The following NBEA variants were observed in gnomAD, a reference collection of about 807,000 sequenced individuals.
The protein encoded by NBEA is lysosomal-trafficking regulator 2.
In NBEA, 44 loss-of-function variants were observed where a neutral mutation model predicts 343.4. The observed-to-expected ratio is 0.13, with a 90% CI of 0.10 to 0.16. The LOEUF (loss-of-function observed/expected upper bound fraction) is 0.16. Ranked by LOEUF, NBEA falls within the 10% of genes least tolerant of loss-of-function variation. The pLI, the probability that NBEA is intolerant of heterozygous loss-of-function variation, is 1.00. For synonymous variants in NBEA, 1,175 were observed against 1,238.7 expected (o/e 0.95, Z 1.08); for missense variants, 2,555 against 3,631.3 (o/e 0.70, Z 7.62).
intron 34 of NBEA, among the ~76,000 whole-genome samples, chr13:35,281,699 C>G (rs4630413): frequency 6.6e-6 from 1 of 151,850 alleles, no homozygotes. Flanking sequence ...AACACCAGTG[C>G]TTTTTTGAAT....
At chr13:35,596,549 A>C (rs1298247134) in intron 47 of NBEA, among the ~76,000 whole-genome samples, 2 of 152,094 alleles carry the variant, frequency 1.3e-5, no homozygotes, top group Non-Finnish European at 2.9e-5. Flanking sequence ...GCAAGCTGGG[A>C]AGAAGGAGTG....
intron 34 of NBEA, among the ~76,000 whole-genome samples, chr13:35,269,901 CTAAACTTAGAAGGA>C (rs1489246020): frequency 6.6e-6 from 1 of 152,092 alleles, no homozygotes; most frequent in Non-Finnish European, 1.5e-5. Context: ...AGGACAACTT[CTAAACTTAGAAGGA>C]TAAATTATAG....
chr13:35,211,997 G>A (rs75155714), intron 33 of NBEA, among the ~76,000 whole-genome samples: 4 of 75,808 alleles, frequency 5.3e-5, no homozygotes, highest in African/African-American at 1.0e-4. Flanking sequence ...TTGTGTATAC[G>A]TGTACACACA....
chr13:35,351,377 A>G (rs2040191862), intron 37 of NBEA, among the ~76,000 whole-genome samples: 1 of 152,022 alleles, frequency 6.6e-6, no homozygotes, highest in Non-Finnish European at 1.5e-5. Context: ...AATCAAATTT[A>G]TAATTAAAGA....
chr13:35,101,505 T>C (rs2065645849), intron 11 of NBEA, among the ~76,000 whole-genome samples: 1 of 151,920 alleles, frequency 6.6e-6, no homozygotes, highest in Non-Finnish European at 1.5e-5. Context: ...ATATATATTC[T>C]TTGAAGAAAT....
At chr13:35,305,632 C>A (rs2036839616) in intron 35 of NBEA, among the ~76,000 whole-genome samples, 1 of 152,088 alleles carries the variant, frequency 6.6e-6, no homozygotes, top group African/African-American at 2.4e-5. Context: ...GTGTTCCAGA[C>A]AATTGCAACA....
intron 39 of NBEA, among the ~76,000 whole-genome samples, chr13:35,437,024 TGTA>T (rs1158149689): frequency 6.6e-6 from 1 of 152,212 alleles, no homozygotes; most frequent in African/African-American, 2.4e-5. Context: ...TATCTATTAA[TGTA>T]GTAAGTATAC....
chr13:35,501,474 C>A (rs2076886270), intron 41 of NBEA, among the ~76,000 whole-genome samples: 1 of 151,272 alleles, frequency 6.6e-6, no homozygotes, highest in Admixed American at 6.6e-5. Flanking sequence ...ATGTAAATGT[C>A]TTCTTGTTAT....
chr13:35,249,379 CTTA>C (rs140391563), intron 34 of NBEA, among the ~76,000 whole-genome samples: 1,878 of 152,134 alleles, frequency 0.012, 14 homozygotes, highest in Middle Eastern at 0.034. Flanking sequence ...CTGTTAAGAG[CTTA>C]TTATTCAGAA....
intron 36 of NBEA, among the ~76,000 whole-genome samples, chr13:35,317,904 C>G (rs1023424064): frequency 3.3e-5 from 5 of 152,090 alleles, no homozygotes; most frequent in African/African-American, 9.7e-5. Context: ...CTCTGTTTGT[C>G]TATTACTGGT....
rs367575167 is a variant in NBEA at position 35,162,192 on chromosome 13, G to GT, written c.4079+226dup. On this transcript the variant is annotated intron_variant, in intron 23 of 58. Transcript: ENST00000379939. ...GTGACATGTGTATTCAGAGCCTGTA[G>GT]TATTTAAGCAGTTAGTGGATATCAG... 1.7e-3 allele frequency among the ~76,000 whole-genome samples: 264 copies of GT among 152,172 alleles called. 3 individuals are homozygous for GT. In the South Asian group the frequency reaches 0.038, roughly 22 times the overall value.
At chr13:34,986,942 A>G (rs573857300) in intron 1 of NBEA, among the ~76,000 whole-genome samples, 1 of 150,952 alleles carries the variant, frequency 6.6e-6, no homozygotes, top group South Asian at 2.1e-4. Flanking sequence ...AATACAGCAC[A>G]CTGATGGGTC....
At chr13:35,595,159 A>G (rs989303590) in intron 47 of NBEA, among the ~76,000 whole-genome samples, 5 of 152,000 alleles carry the variant, frequency 3.3e-5, no homozygotes, top group Admixed American at 6.6e-5. Context: ...TTTTTCCTCT[A>G]AATTCTCCCA....
chr13:34,963,483 CCTTT>C (rs1477903546), intron 1 of NBEA, among the ~76,000 whole-genome samples: 11 of 152,002 alleles, frequency 7.2e-5, no homozygotes, highest in South Asian at 2.1e-4. Flanking sequence ...GAAGTCCTCA[CCTTT>C]AGCATATGAA....
intron 48 of NBEA, among the ~76,000 whole-genome samples, chr13:35,611,614 T>G (rs1206079807): frequency 6.6e-6 from 1 of 152,202 alleles, no homozygotes; most frequent in African/African-American, 2.4e-5. Context: ...GCTAATCAAC[T>G]TTTTATCTCC....
chr13:35,344,446 A>G (rs1025573833), intron 36 of NBEA, among the ~76,000 whole-genome samples: 2 of 152,024 alleles, frequency 1.3e-5, no homozygotes, highest in African/African-American at 4.8e-5. Context: ...TAGAAAAATA[A>G]GATACAGTGG....
At chr13:35,221,342 CAA>C (rs35904333) in intron 33 of NBEA, among the ~76,000 whole-genome samples, 1 of 137,668 alleles carries the variant, frequency 7.3e-6, no homozygotes. Flanking sequence ...GACACTATTT[CAA>C]AAAAAAAAAC....
chr13:35,149,185 CAA>C (rs931467708), intron 18 of NBEA, among the ~76,000 whole-genome samples: 34 of 152,208 alleles, frequency 2.2e-4, no homozygotes, highest in African/African-American at 8.2e-4. Context: ...AATATTGTTT[CAA>C]TATTTGGCAT....
chr13:34,966,314 C>T (rs750297465), intron 1 of NBEA, among the ~76,000 whole-genome samples: 5 of 151,932 alleles, frequency 3.3e-5, no homozygotes, highest in African/African-American at 7.2e-5. Context: ...TTTCCTGAAA[C>T]GGGACTTGTC....
Sources: gnomAD v4.1 joint callset for allele counts (sites outside exome capture counted in the v4.1 genomes callset) on GRCh38, gnomAD v4.1.1 for gene constraint, MANE v1.5 for transcripts, NCBI Gene and HGNC (gene_info 2026-07-23, HGNC 2026-07-21) for gene names.